EMCN: variants seen among roughly 807,000 people sequenced by gnomAD.
The protein encoded by EMCN is MUC-14.
EMCN carries 37 observed loss-of-function variants against 38.4 expected under a neutral mutation model. That is an observed-to-expected ratio of 0.96 (90% CI 0.74 to 1.27). EMCN has a LOEUF of 1.27. Ranked by LOEUF, EMCN falls within the 50% of genes most tolerant of loss-of-function variation. EMCN has a pLI of 0.00. For missense variants in EMCN, 318 were observed against 302.8 expected, an observed-to-expected ratio of 1.05 and a Z score of -0.37; for synonymous variants, 95 against 100.8, an observed-to-expected ratio of 0.94 and a Z score of 0.35.
chr4:100,423,279 G>A (rs41275729), intron 6 of EMCN, 33 bp downstream of exon 6: 22 of 1,521,618 alleles, frequency 1.4e-5, no homozygotes, highest in Non-Finnish European at 1.9e-5. Flanking sequence ...GTCAGGTAGA[G>A]CAGATTTCCA....
chr4:100,459,731 T>A (rs1028212200), intron 4 of EMCN, among the ~76,000 whole-genome samples: 22 of 152,190 alleles, frequency 1.4e-4, no homozygotes, highest in Admixed American at 1.3e-3. Context: ...TCTAAGTTTA[T>A]CCGCGCTTTC....
intron 3 of EMCN, among the ~76,000 whole-genome samples, chr4:100,469,727 A>T (rs1443780103): frequency 1.3e-5 from 2 of 151,928 alleles, no homozygotes; most frequent in Non-Finnish European, 2.9e-5. Flanking sequence ...TTTGTTGAAG[A>T]TTAGATAGTG....
At chr4:100,468,917 T>C (rs1302477867) in intron 3 of EMCN, among the ~76,000 whole-genome samples, 1 of 151,928 alleles carries the variant, frequency 6.6e-6, no homozygotes, top group Non-Finnish European at 1.5e-5. Flanking sequence ...AGATCCTGAA[T>C]AGCAAAACAA....
At chr4:100,420,502 G>T (rs1342844277) in intron 8 of EMCN, among the ~76,000 whole-genome samples, 1 of 151,984 alleles carries the variant, frequency 6.6e-6, no homozygotes, top group Admixed American at 6.6e-5. Context: ...CTGTGAAGTG[G>T]AAAGATAGTT....
intron 8 of EMCN, among the ~76,000 whole-genome samples, 155 bp from the exon 9 acceptor site, chr4:100,417,296 C>A (rs1348588235): frequency 6.6e-6 from 1 of 152,154 alleles, no homozygotes; most frequent in Non-Finnish European, 1.5e-5. Flanking sequence ...CCTTGCCAAG[C>A]CATTTCCTCA....
In EMCN at chr4:100,396,717, A is replaced by G. The variant is rs975635261; in HGVS notation, c.*1696T>C. On this transcript the variant is annotated 3_prime_UTR_variant, in exon 12 of 12. Transcript: ENST00000296420. Reference sequence around the variant, plus strand: ...GCCACCACACCAGGCTAATTTTTGTATTTTTAGTAGATATGGGGTTTCAAC... The same window carrying G: ...GCCACCACACCAGGCTAATTTTTGTGTTTTTAGTAGATATGGGGTTTCAAC... 6.7e-6 allele frequency: 1 copy of G among 150,124 alleles called. No individual in the cohort carries two copies. The highest frequency in any genetic ancestry group is 6.6e-5 in the Admixed American group (1 of 15,094). 9.3% of individuals were successfully genotyped at this position (150,124 alleles called of 1,614,324 possible). A position where few individuals can be genotyped will look rare whatever the true frequency, so the allele number is the denominator to read the frequency against.
chr4:100,466,357 T>A (rs112164799), intron 3 of EMCN, among the ~76,000 whole-genome samples: 2 of 152,186 alleles, frequency 1.3e-5, no homozygotes, highest in Non-Finnish European at 2.9e-5. Flanking sequence ...CAGAGTAGAA[T>A]GGAGCAAGAA....
At chr4:100,411,315 G>A (rs924211402) in intron 10 of EMCN, among the ~76,000 whole-genome samples, 10 of 152,162 alleles carry the variant, frequency 6.6e-5, no homozygotes, top group East Asian at 1.9e-4. Context: ...ACTATTGTTC[G>A]TTTTGCAGAA....
In EMCN at chr4:100,417,206, C is replaced by A. The variant is rs939169579; in HGVS notation, c.665-65G>T. 3.1e-5 allele frequency: 41 copies of A among 1,338,866 alleles called. No individual in the cohort carries two copies. The Admixed American group carries it at 7.0e-4, about 23-fold the overall frequency. 82.9% of individuals were successfully genotyped at this position (1,338,866 alleles called of 1,614,324 possible). A position where few individuals can be genotyped will look rare whatever the true frequency, so the allele number is the denominator to read the frequency against. On this transcript the variant is annotated intron_variant, in intron 8 of 11. Transcript: ENST00000296420. ...TTGGCTACCATAAATATGAGCAAGC[C>A]CCTCTAACCCCCTCACCTGCTGTCC...
At position 100,450,505 on chromosome 4, in the gene EMCN, A is replaced by C. The variant is rs1033514053; in HGVS notation, c.377-2934T>G. The stretch of plus-strand genomic sequence containing the variant: ...ACATGATAATATCATTAACAGGTAC[A>C]AGAGAAAAATATATACATCTATTCC... On this transcript the variant is annotated intron_variant, in intron 4 of 11. Coordinates refer to ENST00000296420, the MANE Select transcript of EMCN (RefSeq NM_016242.4). Among the ~76,000 whole-genome samples the C allele has an allele frequency of 2.6e-5, 4 of 151,970 alleles. No homozygotes were observed. The South Asian group carries it at 8.3e-4, about 31-fold the overall frequency.
Position 100,423,193 on chromosome 4 carries a change from G to A in EMCN, c.509-113C>T, listed in dbSNP as rs116786214. On this transcript the variant is annotated intron_variant, in intron 6 of 11. Transcript: ENST00000296420. Reference sequence around the variant, plus strand: ...ATGATTTGTAGGTATGATGCTGCAAGTGCAAAAGATTCAGTCTCATTCTGA... The same window carrying A: ...ATGATTTGTAGGTATGATGCTGCAAATGCAAAAGATTCAGTCTCATTCTGA... 4,112 of 1,330,080 alleles carry A rather than the reference G, an allele frequency of 3.1e-3. 103 individuals carry two copies. In the African/African-American group the frequency reaches 0.051, roughly 16 times the overall value. The allele number at this position is 1,330,080 out of a possible 1,614,324, so 82.4% of individuals were successfully genotyped here.
At chr4:100,493,906 C>A (rs1481018779) in intron 1 of EMCN, among the ~76,000 whole-genome samples, 1 of 152,176 alleles carries the variant, frequency 6.6e-6, no homozygotes, top group Non-Finnish European at 1.5e-5. Flanking sequence ...CAGAGACTTT[C>A]TTCAAACATT....
chr4:100,478,129 A>G (rs911824209), intron 2 of EMCN, among the ~76,000 whole-genome samples: 1 of 152,032 alleles, frequency 6.6e-6, no homozygotes, highest in African/African-American at 2.4e-5. Flanking sequence ...ATTCTCCTAT[A>G]AGCACCACGG....
intron 11 of EMCN, among the ~76,000 whole-genome samples, chr4:100,403,372 T>C (rs1726310246): frequency 6.6e-6 from 1 of 152,076 alleles, no homozygotes; most frequent in Admixed American, 6.6e-5. Flanking sequence ...AAAGTAACAA[T>C]CTGGCTCTCT....
chr4:100,477,698 A>G (rs981673149), intron 2 of EMCN, among the ~76,000 whole-genome samples: 10 of 152,208 alleles, frequency 6.6e-5, no homozygotes, highest in African/African-American at 2.4e-4. Flanking sequence ...ATGCTTTTCC[A>G]TGTTGTGTTT....
Position 100,465,341 on chromosome 4 carries a change from CAGTTGTATGCTGGAAAACATTCTGAAACT to C in EMCN, c.376+53_376+81del, listed in dbSNP as rs1334532136. 7 of 730,834 alleles carry C rather than the reference CAGTTGTATGCTGGAAAACATTCTGAAACT, an allele frequency of 9.6e-6. No individual in the cohort carries two copies. The African/African-American group carries it at 1.2e-4, about 13-fold the overall frequency. The allele number at this position is 730,834 out of a possible 1,614,324, so 45.3% of individuals were successfully genotyped here. On this transcript the variant is annotated intron_variant, in intron 4 of 11. Coordinates refer to ENST00000296420, the MANE Select transcript of EMCN (RefSeq NM_016242.4). Reference sequence around the variant, plus strand: ...ATTTAAGCAGAGCATAATTCCTTGGCAGTTGTATGCTGGAAAACATTCTGAAACTAGTTTTATGCAACACACTAGTTTAA... The same window carrying C: ...ATTTAAGCAGAGCATAATTCCTTGGCAGTTTTATGCAACACACTAGTTTAA...
At chr4:100,467,256 A>G (rs1391139733) in intron 3 of EMCN, among the ~76,000 whole-genome samples, 1 of 152,162 alleles carries the variant, frequency 6.6e-6, no homozygotes, top group East Asian at 1.9e-4. Context: ...TTCATGGTAA[A>G]CTCAAACTGA....
At chr4:100,506,139 A>T (rs527751807) in intron 1 of EMCN, among the ~76,000 whole-genome samples, 1 of 152,216 alleles carries the variant, frequency 6.6e-6, no homozygotes, top group Non-Finnish European at 1.5e-5. Context: ...ACTATGAAAC[A>T]AGAGTGGTAA....
intron 2 of EMCN, among the ~76,000 whole-genome samples, chr4:100,477,984 C>T (rs369251427): frequency 6.6e-6 from 1 of 152,080 alleles, no homozygotes; most frequent in Non-Finnish European, 1.5e-5. Flanking sequence ...ATACTAATTG[C>T]GTTGCTCTTT....
Sources: allele counts gnomAD v4.1 joint callset (sites outside exome capture counted in the v4.1 genomes callset), GRCh38; gene constraint gnomAD v4.1.1; transcripts MANE v1.5; gene names NCBI Gene and HGNC (gene_info 2026-07-23, HGNC 2026-07-21).